The following GRIA2 variants were observed in gnomAD, a reference collection of about 807,000 sequenced individuals.
GRIA2 encodes the protein glutamate ionotropic receptor AMPA type subunit 2, also known as glutamate receptor 2.
Under a neutral mutation model 97.3 loss-of-function variants are expected in GRIA2, and 14 were observed. The observed-to-expected ratio is 0.14, with a 90% CI of 0.10 to 0.23. GRIA2 has a LOEUF of 0.23. Ranked by LOEUF, GRIA2 falls within the 10% of genes least tolerant of loss-of-function variation. GRIA2 has a pLI of 1.00. For synonymous variants in GRIA2, 412 were observed against 387.8 expected (o/e 1.06, Z -0.73); for missense variants, 558 against 1,069.8 (o/e 0.52, Z 6.67).
chr4:157,363,128 A>G, intron 15 of GRIA2, 81 bp downstream of exon 15: 1 of 1,397,992 alleles, frequency 7.2e-7, no homozygotes, highest in East Asian at 2.3e-5. Flanking sequence ...TAAATAAGGA[A>G]GGTGGCCAAT....
In GRIA2 at chr4:157,234,672, C is replaced by T. The variant is rs185514315; in HGVS notation, c.229+12865C>T. 6.6e-5 allele frequency among the ~76,000 whole-genome samples: 10 copies of T among 152,266 alleles called. No homozygotes were observed. The East Asian group carries it at 1.7e-3, about 26-fold the overall frequency. ...ACTTGGAACAGGTTCATTGTGACTT[C>T]TTCCGTGAGGATCAGTTTTATGCAT... On this transcript the variant is annotated intron_variant, in intron 2 of 15. Transcript: ENST00000264426.
chr4:157,341,183 A>G (rs1449591406), intron 11 of GRIA2, 81 bp from the exon 12 acceptor site: 2 of 878,722 alleles, frequency 2.3e-6, no homozygotes, highest in African/African-American at 3.3e-5. Flanking sequence ...CTATAAGTCA[A>G]TATTTGCATA....
intron 2 of GRIA2, among the ~76,000 whole-genome samples, chr4:157,261,495 T>C (rs1731532083): frequency 2.6e-5 from 4 of 152,072 alleles, no homozygotes; most frequent in Admixed American, 2.6e-4. Context: ...ACAACACCAA[T>C]CAAACAAATT....
intron 2 of GRIA2, among the ~76,000 whole-genome samples, chr4:157,259,835 A>T (rs1731447375): frequency 6.6e-6 from 1 of 152,134 alleles, no homozygotes; most frequent in Admixed American, 6.6e-5. Context: ...GCCAGGTAAC[A>T]CCATTACATC....
At chr4:157,233,579 C>T (rs139105578) in intron 2 of GRIA2, among the ~76,000 whole-genome samples, 1 of 151,926 alleles carries the variant, frequency 6.6e-6, no homozygotes. Context: ...TAGAATAAGG[C>T]TCAGTTTCCT....
intron 2 of GRIA2, among the ~76,000 whole-genome samples, chr4:157,248,566 C>CAT (rs1258024354): frequency 1.1e-5 from 1 of 93,016 alleles, no homozygotes; most frequent in Admixed American, 1.0e-4. Context: ...TATATATATA[C>CAT]GTGTGTATAT....
upstream of GRIA2, chr4:157,220,500 C>G (rs976419552): frequency 6.6e-6 from 1 of 151,980 alleles, no homozygotes; most frequent in Admixed American, 6.6e-5. Context: ...GCTTTCTCAG[C>G]GCCGCGCACG....
At chr4:157,356,051 TTATATATA>T (rs1163496082) in intron 12 of GRIA2, among the ~76,000 whole-genome samples, 1 of 114,318 alleles carries the variant, frequency 8.7e-6, no homozygotes, top group Non-Finnish European at 1.6e-5. Context: ...ATATATGTAT[TTATATATA>T]TTTATATATT....
At position 157,297,990 on chromosome 4, in the gene GRIA2, A is replaced by G. The variant is rs1435736450; in HGVS notation, c.230-5562A>G. Among the ~76,000 whole-genome samples the G allele has an allele frequency of 3.3e-5, 5 of 152,226 alleles. No homozygotes were observed. In the East Asian group the frequency reaches 9.6e-4, roughly 29 times the overall value. On this transcript the variant is annotated intron_variant, in intron 2 of 15. Coordinates refer to ENST00000264426, the MANE Select transcript of GRIA2 (RefSeq NM_001083619.3). Reference sequence around the variant, plus strand: ...ATGAAAGTTTGGAAAATATTTGCATAAGGAGTTGAATTTGACCTTGTTAAT... The same window carrying G: ...ATGAAAGTTTGGAAAATATTTGCATGAGGAGTTGAATTTGACCTTGTTAAT...
chr4:157,283,676 T>A (rs577492331), intron 2 of GRIA2, among the ~76,000 whole-genome samples: 30 of 152,050 alleles, frequency 2.0e-4, no homozygotes, highest in African/African-American at 7.2e-4. Flanking sequence ...ATATTTGCAA[T>A]TCTGTAATCT....
rs1470163613 is a variant in GRIA2, at chr4:157,307,057, C to G, written c.469+3266C>G. Among the ~76,000 whole-genome samples the G allele has an allele frequency of 2.0e-5, 3 of 152,120 alleles. No homozygotes were observed. In the East Asian group the frequency reaches 5.8e-4, roughly 29 times the overall value. Reference sequence around the variant, plus strand: ...TTGATTATGTGATTATTTTTAGGCTCTAATCATCCTCACTTTTTAGAGAGT... The same window carrying G: ...TTGATTATGTGATTATTTTTAGGCTGTAATCATCCTCACTTTTTAGAGAGT... On this transcript the variant is annotated intron_variant, in intron 3 of 15. Coordinates refer to ENST00000264426, the MANE Select transcript of GRIA2 (RefSeq NM_001083619.3).
At chr4:157,270,921 A>AT (rs762880959) in intron 2 of GRIA2, among the ~76,000 whole-genome samples, 69 of 131,492 alleles carry the variant, frequency 5.2e-4, no homozygotes, top group African/African-American at 2.0e-3. Context: ...TGGAACTACA[A>AT]TTTGTTTTTT....
At chr4:157,257,267 A>T (rs539361210) in intron 2 of GRIA2, among the ~76,000 whole-genome samples, 1 of 152,144 alleles carries the variant, frequency 6.6e-6, no homozygotes, top group African/African-American at 2.4e-5. Context: ...TGCCACTTTC[A>T]GATATATCAT....
chr4:157,343,265 A>G (rs973736056), intron 12 of GRIA2, among the ~76,000 whole-genome samples: 2 of 151,938 alleles, frequency 1.3e-5, no homozygotes, highest in African/African-American at 2.4e-5. Context: ...CTTATCCATT[A>G]CCTCTTTTAA....
chr4:157,235,900 A>G (rs1051193181), intron 2 of GRIA2, among the ~76,000 whole-genome samples: 1 of 152,040 alleles, frequency 6.6e-6, no homozygotes, highest in African/African-American at 2.4e-5. Context: ...CAGGTTTTAA[A>G]TAGTAAGTTT....
intron 3 of GRIA2, among the ~76,000 whole-genome samples, chr4:157,306,190 C>T (rs764866924): frequency 8.5e-5 from 13 of 152,052 alleles, no homozygotes; most frequent in Non-Finnish European, 1.3e-4. Context: ...CATCCTTACC[C>T]TCACCATTGC....
chr4:157,341,233 C>T, intron 11 of GRIA2, 31 bp from the exon 12 acceptor site: 1 of 1,476,972 alleles, frequency 6.8e-7, no homozygotes, highest in Non-Finnish European at 9.5e-7. Flanking sequence ...ATTCATTTCA[C>T]TTTACAAATC....
chr4:157,243,885 T>C (rs1561007123), intron 2 of GRIA2, among the ~76,000 whole-genome samples: 1 of 151,608 alleles, frequency 6.6e-6, no homozygotes, highest in Non-Finnish European at 1.5e-5. Flanking sequence ...AGGTGGACGC[T>C]CATGGAGCCT....
intron 2 of GRIA2, among the ~76,000 whole-genome samples, chr4:157,289,215 A>T (rs1202302712): frequency 6.6e-6 from 1 of 151,916 alleles, no homozygotes; most frequent in Non-Finnish European, 1.5e-5. Flanking sequence ...TAATTTCAAT[A>T]TGTCCCTTAA....
Sources: allele counts gnomAD v4.1 joint callset (sites outside exome capture counted in the v4.1 genomes callset), GRCh38; gene constraint gnomAD v4.1.1; transcripts MANE v1.5; gene names NCBI Gene and HGNC (gene_info 2026-07-23, HGNC 2026-07-21).